PML: variants seen among roughly 807,000 people sequenced by gnomAD.
The protein encoded by PML is PML nuclear body scaffold, also known as protein PML.
In PML, 28 loss-of-function variants were observed where a neutral mutation model predicts 65.2. The ratio of observed to expected loss-of-function variants is 0.43; its 90% CI spans 0.32 to 0.59. The LOEUF is 0.59. Ranked by LOEUF, PML falls within the 20% of genes least tolerant of loss-of-function variation. PML has a pLI of 0.08. For synonymous variants in PML, 500 were observed against 508.8 expected (o/e 0.98, Z 0.23); for missense variants, 1,021 against 1,203.4 (o/e 0.85, Z 2.24).
chr15:74,043,301 C>T lies in PML; in HGVS notation c.1861+162C>T, dbSNP rs1041794024. 2.5e-5 allele frequency: 38 copies of T among 1,499,360 alleles called. No homozygotes were observed. The highest frequency in any genetic ancestry group is 4.4e-4 in the Middle Eastern group (2 of 4,542). 92.9% of individuals were successfully genotyped at this position (1,499,360 alleles called of 1,614,324 possible). ...CACTCCGGCTCACCTGGGCTCCTGGCGTGTCATTTGCTGGCTTGAATAAAG... is the reference window on the plus strand; with the variant it reads ...CACTCCGGCTCACCTGGGCTCCTGGTGTGTCATTTGCTGGCTTGAATAAAG... On this transcript the variant is annotated intron_variant, in intron 8 of 8. Coordinates refer to ENST00000268058, the MANE Select transcript of PML (RefSeq NM_033238.3). The surrounding 1 kb of genome is among the most constrained non-coding windows in gnomAD (Gnocchi z 4.3).
At chr15:74,012,221 G>A (rs1029711500) in intron 2 of PML, among the ~76,000 whole-genome samples, 1 of 152,188 alleles carries the variant, frequency 6.6e-6, no homozygotes, top group African/African-American at 2.4e-5. Context: ...TGTTGCCCAG[G>A]CTGGAGTGCA....
At position 74,045,020 on chromosome 15, in the gene PML, G is replaced by A; in HGVS notation, c.*12G>A. On this transcript the variant is annotated 3_prime_UTR_variant, in exon 9 of 9. Transcript: ENST00000268058. ...CCCAGCAGAGCTGAGAGGAGGGGGT[G>A]ACCAGCTTGGAGTCTCTGGTGGGCA... is the stretch of plus-strand genomic sequence containing the variant. 1 of 1,586,124 alleles carries A rather than the reference G, an allele frequency of 6.3e-7. No homozygotes were observed. Among genetic ancestry groups the A allele is most frequent in the Non-Finnish European group, 8.5e-7 (1 of 1,170,486 alleles).
rs142570377 is a variant in PML at position 74,040,898 on chromosome 15, G to A, written c.1711-2091G>A. ...GGACAAAGGACATTTCCCTGGCCCC[G>A]GGACAATGGAAGGCTCTAAAAACGA... On this transcript the variant is annotated intron_variant, in intron 7 of 8. Transcript: ENST00000268058. Among the ~76,000 whole-genome samples, 12 of 152,286 alleles carry A rather than the reference G, an allele frequency of 7.9e-5. No individual in the cohort carries two copies. The East Asian group carries it at 1.7e-3, about 22-fold the overall frequency.
chr15:74,032,476 G>A, intron 4 of PML, 96 bp from the exon 5 acceptor site: 1 of 1,347,584 alleles, frequency 7.4e-7, no homozygotes, highest in Non-Finnish European at 1.1e-6. Context: ...CTGTGACTTG[G>A]TGAGGCCCCA....
chr15:74,034,321 G>A, intron 6 of PML, 157 bp from the exon 7 acceptor site: 3 of 869,688 alleles, frequency 3.4e-6, no homozygotes, highest in Admixed American at 1.7e-5. Flanking sequence ...GCAAAGCAGA[G>A]TCACATTGGC....
At chr15:74,030,093 C>T (rs2071252588) in intron 4 of PML, among the ~76,000 whole-genome samples, 1 of 152,174 alleles carries the variant, frequency 6.6e-6, no homozygotes, top group Non-Finnish European at 1.5e-5. Flanking sequence ...CCTGCCTTAA[C>T]TCACATGCCC....
intron 6 of PML, 77 bp from the exon 7 acceptor site, chr15:74,034,400 TC>T: frequency 1.2e-6 from 2 of 1,603,658 alleles, no homozygotes; most frequent in South Asian, 1.1e-5. Flanking sequence ...CTGCAAGGAT[TC>T]CCATAGGTGC....
Position 74,044,368 on chromosome 15 carries a change from G to A in PML, c.2009G>A (p.Arg670His), listed in dbSNP as rs781533017. 1.5e-5 allele frequency: 24 copies of A among 1,614,182 alleles called. No individual in the cohort carries two copies. Among genetic ancestry groups the A allele is most frequent in the South Asian group, 8.8e-5 (8 of 91,080 alleles). Residue 670 changes from arginine to histidine, a missense_variant, in exon 9 of 9, where the codon CGC becomes CAC. By Grantham distance (29) the Arg-to-His change is conservative. Coordinates refer to ENST00000268058, the MANE Select transcript of PML (RefSeq NM_033238.3). ...QHFLSFLSSM[R>H]RPILACYKLW... is the part of the protein sequence containing the mutation. ...TTCCTCAGCTTTCTGAGCTCCATGC[G>A]CCGCCCTATCTTGGCCTGCTACAAG... is the stretch of plus-strand genomic sequence containing the variant.
chr15:74,034,535 G>A lies in PML; in HGVS notation c.1710+5G>A, dbSNP rs1350359786. 21 of 1,614,200 alleles carry A rather than the reference G, an allele frequency of 1.3e-5. No individual in the cohort carries two copies. Among genetic ancestry groups the A allele is most frequent in the Non-Finnish European group, 1.8e-5 (21 of 1,180,032 alleles). On this transcript the variant is annotated splice_donor_5th_base_variant and intron_variant, in intron 7 of 8. Coordinates refer to ENST00000268058, the MANE Select transcript of PML (RefSeq NM_033238.3). Reference sequence around the variant, plus strand: ...GACTCAGATGCCGAAAACTCGGTGAGTGGCCCAGAAGTTCAGCCCAGGACT... The same window carrying A: ...GACTCAGATGCCGAAAACTCGGTGAATGGCCCAGAAGTTCAGCCCAGGACT...
rs370321883 is a variant in PML at position 74,033,135 on chromosome 15, T to C, written c.1399-21T>C. ...CACCCCTGCAGGCACCTGACCTGGC[T>C]CTGTGACTCCCTCTATGCAGGATGT... On this transcript the variant is annotated intron_variant, in intron 5 of 8. Coordinates refer to ENST00000268058, the MANE Select transcript of PML (RefSeq NM_033238.3). 2.5e-6 allele frequency: 4 copies of C among 1,613,638 alleles called. No individual in the cohort carries two copies. The African/African-American group carries it at 5.3e-5, about 22-fold the overall frequency.
Position 74,035,958 on chromosome 15 carries a change from T to C in PML, c.1710+1428T>C. The C allele has an allele frequency of 6.2e-7, 1 of 1,614,100 alleles. No individual in the cohort carries two copies. Among genetic ancestry groups the C allele is most frequent in the South Asian group, 1.1e-5 (1 of 91,086 alleles). ...CCGTCAAGCAGGCCTCTGAGAGTGC[T>C]ACCCTTCTCTTGTAACCTTGCAGCC... is the stretch of plus-strand genomic sequence containing the variant. On this transcript the variant is annotated intron_variant, in intron 7 of 8. Transcript: ENST00000268058. This position sits in a 1 kb window ranked among gnomAD's most constrained non-coding sequence, Gnocchi z 4.1.
rs958490518 is a variant in PML, at chr15:74,042,855, C to T, written c.1711-134C>T. On this transcript the variant is annotated intron_variant, in intron 7 of 8. Transcript: ENST00000268058. This position sits in a 1 kb window ranked among gnomAD's most constrained non-coding sequence, Gnocchi z 5.3. ...GCACACATACCTTCTCTTGTGCACA[C>T]GTCCCCTTTCCCAGTGGTACACCCT... is the stretch of plus-strand genomic sequence containing the variant. 8 of 1,566,214 alleles carry T rather than the reference C, an allele frequency of 5.1e-6. No homozygotes were observed. Among genetic ancestry groups the T allele is most frequent in the Admixed American group, 1.8e-5 (1 of 54,560 alleles).
Position 74,043,495 on chromosome 15 carries a change from G to C in PML, c.1861+356G>C, listed in dbSNP as rs1460494477. Reference sequence around the variant, plus strand: ...CCCTGTCATCCAAGTAAGGCCTCTGGCTGTGCTACACGTTTCTGAGTAGAG... The same window carrying C: ...CCCTGTCATCCAAGTAAGGCCTCTGCCTGTGCTACACGTTTCTGAGTAGAG... On this transcript the variant is annotated intron_variant, in intron 8 of 8. Transcript: ENST00000268058. The surrounding 1 kb of genome is among the most constrained non-coding windows in gnomAD (Gnocchi z 4.3). 1.7e-6 allele frequency: 1 copy of C among 597,720 alleles called. No homozygotes were observed. The highest frequency in any genetic ancestry group is 2.0e-5 in the African/African-American group (1 of 49,834). The allele number at this position is 597,720 out of a possible 1,614,324, so 37.0% of individuals were successfully genotyped here.
intron 2 of PML, among the ~76,000 whole-genome samples, chr15:74,021,116 G>A (rs551455203): frequency 3.3e-5 from 5 of 152,232 alleles, no homozygotes; most frequent in East Asian, 1.9e-4. Context: ...CTTACTAATC[G>A]TGTGATCTTG....
At chr15:74,012,230 C>T (rs955551302) in intron 2 of PML, among the ~76,000 whole-genome samples, 2 of 152,166 alleles carry the variant, frequency 1.3e-5, no homozygotes, top group African/African-American at 4.8e-5. Flanking sequence ...GGCTGGAGTG[C>T]AGTGGCGCAA....
Position 74,003,324 on chromosome 15 carries a change from C to T in PML, c.602+4848C>T, listed in dbSNP as rs199533338. ...GCGGGCGCCTGTAATCCCAGCTACT[C>T]GGGAGGCTGAGGTAGGAGAATTGCT... is the stretch of plus-strand genomic sequence containing the variant. On this transcript the variant is annotated intron_variant, in intron 2 of 8. Transcript: ENST00000268058. Among the ~76,000 whole-genome samples the T allele has an allele frequency of 1.1e-4, 16 of 151,604 alleles. No homozygotes were observed. In the East Asian group the frequency reaches 2.7e-3, roughly 26 times the overall value.
intron 2 of PML, among the ~76,000 whole-genome samples, chr15:73,999,430 T>G (rs754355078): frequency 1.3e-5 from 2 of 152,244 alleles, no homozygotes; most frequent in Non-Finnish European, 2.9e-5. Flanking sequence ...TCTGCTAAAC[T>G]GACTGTGATT....
Position 74,023,387 on chromosome 15 carries a change from T to A in PML, c.1162T>A (p.Ser388Thr), listed in dbSNP as rs1317401607. ...EFKVRLQDLSSCITQGKDAAV... is the reference protein window; with the variant it reads ...EFKVRLQDLSTCITQGKDAAV... ...CAAGGTGCGCCTGCAGGACCTCAGC[T>A]CTTGCATCACCCAGGGGAAAGGTAA... The change falls in exon 3 of 9, where the codon TCT becomes ACT. Residue 388 changes from serine to threonine, a missense_variant. Coordinates refer to ENST00000268058, the MANE Select transcript of PML (RefSeq NM_033238.3). The A allele has an allele frequency of 1.2e-5, 19 of 1,599,132 alleles. No homozygotes were observed. In the East Asian group the frequency reaches 4.0e-4, roughly 34 times the overall value.
chr15:74,043,223 G>T lies in PML; in HGVS notation c.1861+84G>T. 1 of 1,612,176 alleles carries T rather than the reference G, an allele frequency of 6.2e-7. No homozygotes were observed. Among genetic ancestry groups the T allele is most frequent in the Non-Finnish European group, 8.5e-7 (1 of 1,179,174 alleles). ...GAAGTGCAGGCAGAGCCATCTGCCA[G>T]GCCCAGGAGAGCTCTGAGCTCTGGC... On this transcript the variant is annotated intron_variant, in intron 8 of 8. Coordinates refer to ENST00000268058, the MANE Select transcript of PML (RefSeq NM_033238.3). This position sits in a 1 kb window ranked among gnomAD's most constrained non-coding sequence, Gnocchi z 4.3.
Sources: allele counts gnomAD v4.1 joint callset (sites outside exome capture counted in the v4.1 genomes callset), GRCh38; gene constraint gnomAD v4.1.1; non-coding constraint Gnocchi (gnomAD v3.1); transcripts MANE v1.5; gene names NCBI Gene and HGNC (gene_info 2026-07-23, HGNC 2026-07-21).